SNX27: variants seen among roughly 807,000 people sequenced by gnomAD.
SNX27 encodes the protein sorting nexin-27.
A neutral mutation model predicts 71.6 loss-of-function variants in SNX27; 22 were observed. That is an observed-to-expected ratio of 0.31 (90% CI 0.22 to 0.44). The LOEUF is 0.44. Ranked by LOEUF, SNX27 falls within the 20% of genes least tolerant of loss-of-function variation. SNX27 has a pLI of 1.00. For missense variants in SNX27, 531 were observed against 698.6 expected (o/e 0.76, Z 2.70); for synonymous variants, 269 against 277.2 (o/e 0.97, Z 0.29).
At chr1:151,642,614 G>C (rs1052392995) in intron 2 of SNX27, among the ~76,000 whole-genome samples, 1 of 151,386 alleles carries the variant, frequency 6.6e-6, no homozygotes, top group Admixed American at 6.6e-5. Flanking sequence ...ATCTTTTTTT[G>C]TAAGAACTTT....
At chr1:151,693,770 T>G in intron 11 of SNX27, 1 of 1,492,822 alleles carries the variant, frequency 6.7e-7, no homozygotes, top group Non-Finnish European at 8.9e-7. Flanking sequence ...CTCTGCCAGT[T>G]TTTTAAATCA....
At position 151,612,547 on chromosome 1, in the gene SNX27, C is replaced by T. The variant is rs1667224548; in HGVS notation, c.311+35C>T. The T allele has an allele frequency of 2.3e-6, 3 of 1,305,754 alleles. No homozygotes were observed. The allele number at this position is 1,305,754 out of a possible 1,614,324, so 80.9% of individuals were successfully genotyped here. On this transcript the variant is annotated intron_variant, in intron 1 of 11. Transcript: ENST00000458013. This position sits in a 1 kb window ranked among gnomAD's most constrained non-coding sequence, Gnocchi z 5.2. ...GGGGCTACCCGCCGCCCCATCCTCC[C>T]CGCGCCCCTCCTGCCCCTGCACTCC...
chr1:151,670,078 A>C (rs1170751354), intron 7 of SNX27, among the ~76,000 whole-genome samples: 1 of 151,346 alleles, frequency 6.6e-6, no homozygotes, highest in East Asian at 1.9e-4. Context: ...TAACCATCCT[A>C]CTCTCTATCT....
At chr1:151,628,168 A>G (rs1668036748) in intron 1 of SNX27, among the ~76,000 whole-genome samples, 1 of 151,800 alleles carries the variant, frequency 6.6e-6, no homozygotes, top group Admixed American at 6.6e-5. Context: ...CACCATGCCC[A>G]GCTAATTTTT....
intron 1 of SNX27, among the ~76,000 whole-genome samples, chr1:151,626,488 A>G (rs896076034): frequency 6.6e-6 from 1 of 152,088 alleles, no homozygotes; most frequent in Non-Finnish European, 1.5e-5. Flanking sequence ...TTATCATGAG[A>G]TTCAAGAGAT....
At chr1:151,658,509 C>G in intron 3 of SNX27, 82 bp downstream of exon 3, 1 of 1,351,744 alleles carries the variant, frequency 7.4e-7, no homozygotes, top group East Asian at 2.3e-5. Flanking sequence ...AGCTGAATTT[C>G]CAGAACCTCA....
intron 6 of SNX27, 113 bp from the exon 7 acceptor site, chr1:151,668,356 AGAT>A (rs2102695084): frequency 1.1e-6 from 1 of 936,028 alleles, no homozygotes; most frequent in Non-Finnish European, 1.6e-6. Context: ...GGTGGATTTG[AGAT>A]GATGTTCTGG....
intron 11 of SNX27, chr1:151,693,793 T>G: frequency 6.9e-7 from 1 of 1,457,928 alleles, no homozygotes; most frequent in Non-Finnish European, 9.0e-7. Flanking sequence ...TCACCCTCCA[T>G]GTTGTTCCTG....
intron 8 of SNX27, among the ~76,000 whole-genome samples, chr1:151,688,139 A>G (rs76344817): frequency 0.068 from 10,362 of 152,212 alleles, 459 homozygotes; most frequent in Middle Eastern, 0.11. Context: ...CTCAAAACTT[A>G]AAGTGAAAAC....
chr1:151,665,808 ATTT>A, intron 5 of SNX27, 122 bp from the exon 6 acceptor site: 1 of 648,644 alleles, frequency 1.5e-6, no homozygotes, highest in Non-Finnish European at 2.6e-6. Flanking sequence ...CATTAATGCA[ATTT>A]TTGTGAGGCC....
chr1:151,612,115 G>C lies in SNX27; in HGVS notation c.-87G>C. The C allele has an allele frequency of 7.2e-6, 9 of 1,254,866 alleles. No homozygotes were observed. Among genetic ancestry groups the C allele is most frequent in the Non-Finnish European group, 9.1e-6 (9 of 990,292 alleles). 77.7% of individuals were successfully genotyped at this position (1,254,866 alleles called of 1,614,324 possible). On this transcript the variant is annotated 5_prime_UTR_variant, in exon 1 of 12. Transcript: ENST00000458013. The surrounding 1 kb of genome is among the most constrained non-coding windows in gnomAD (Gnocchi z 5.2). Reference sequence around the variant, plus strand: ...CCGGCGGATCGGGCGCGCGCGTCGGGGGTCGTCCGGCTGCCAGGCAGGGCG... The same window carrying C: ...CCGGCGGATCGGGCGCGCGCGTCGGCGGTCGTCCGGCTGCCAGGCAGGGCG...
chr1:151,661,422 A>G (rs545830492), intron 4 of SNX27: 1 of 152,626 alleles, frequency 6.6e-6, no homozygotes, highest in Non-Finnish European at 1.5e-5. Context: ...AATTTCTTAC[A>G]GGCAAGGGCT....
Position 151,660,825 on chromosome 1 carries a change from G to A in SNX27, c.764G>A (p.Ser255Asn), listed in dbSNP as rs1467518597. Residue 255 changes from serine to asparagine, a missense_variant, in exon 4 of 12, where the codon AGT becomes AAT. Physicochemically the swap from Ser to Asn is conservative, Grantham distance 46. This residue lies in a region of SNX27 where 184 missense variants were observed against 289.6 expected (regional missense o/e 0.64). Coordinates refer to ENST00000458013, the MANE Select transcript of SNX27 (RefSeq NM_001330723.2). Reference sequence around the variant, plus strand: ...TGTTCAATACGAGTAATTGGTGAGAGTGACATCATGCAGGAATTCCTATCA... The same window carrying A: ...TGTTCAATACGAGTAATTGGTGAGAATGACATCATGCAGGAATTCCTATCA... ...KVCSIRVIGE[S>N]DIMQEFLSES... is the part of the protein sequence containing the mutation. 1.2e-6 allele frequency: 2 copies of A among 1,612,958 alleles called. No homozygotes were observed. Among genetic ancestry groups the A allele is most frequent in the Admixed American group, 1.7e-5 (1 of 60,014 alleles).
chr1:151,619,125 G>C (rs558082311), intron 1 of SNX27, among the ~76,000 whole-genome samples: 1 of 152,176 alleles, frequency 6.6e-6, no homozygotes, highest in Admixed American at 6.5e-5. Flanking sequence ...CGGATCACTT[G>C]AGCTCAGGAA....
intron 9 of SNX27, 100 bp downstream of exon 9, chr1:151,692,684 A>G: frequency 2.6e-6 from 4 of 1,523,966 alleles, no homozygotes; most frequent in South Asian, 2.5e-5. Flanking sequence ...AAATGAAATC[A>G]AAACTGTATT....
rs546510451 is a variant in SNX27 at position 151,632,409 on chromosome 1, G to A, written c.312-6479G>A. Among the ~76,000 whole-genome samples, 17 of 152,256 alleles carry A rather than the reference G, an allele frequency of 1.1e-4. No individual in the cohort carries two copies. The East Asian group carries it at 3.3e-3, about 29-fold the overall frequency. On this transcript the variant is annotated intron_variant, in intron 1 of 11. Coordinates refer to ENST00000458013, the MANE Select transcript of SNX27 (RefSeq NM_001330723.2). The stretch of plus-strand genomic sequence containing the variant: ...CTGACCTTGTGATCTGCTCACCTCA[G>A]CTTCCCAAAGTGCTGGGATTACAGG...
intron 7 of SNX27, 99 bp from the exon 8 acceptor site, chr1:151,683,257 A>C: frequency 2.2e-6 from 2 of 891,674 alleles, no homozygotes; most frequent in Non-Finnish European, 3.5e-6. Context: ...CAAGTGGATA[A>C]GAGATTTTCT....
At chr1:151,668,067 A>G (rs942131975) in intron 6 of SNX27, among the ~76,000 whole-genome samples, 6 of 152,206 alleles carry the variant, frequency 3.9e-5, no homozygotes, top group Non-Finnish European at 7.3e-5. Flanking sequence ...TCTACCAAAC[A>G]TCTTTAAGAC....
intron 6 of SNX27, among the ~76,000 whole-genome samples, chr1:151,668,019 T>G (rs1670288135): frequency 6.6e-6 from 1 of 152,116 alleles, no homozygotes. Flanking sequence ...AGAAAAAAGG[T>G]CTATTTGTTT....
Sources: allele counts gnomAD v4.1 joint callset (sites outside exome capture counted in the v4.1 genomes callset), GRCh38; gene constraint gnomAD v4.1.1; regional missense constraint gnomAD v4.1.1; non-coding constraint Gnocchi (gnomAD v3.1); transcripts MANE v1.5; gene names NCBI Gene and HGNC (gene_info 2026-07-23, HGNC 2026-07-21).